CDIN1: variants seen among roughly 807,000 people sequenced by gnomAD.
CDIN1 encodes the protein CDAN1 interacting nuclease 1, also known as CDAN1-interacting nuclease 1.
Under a neutral mutation model 45.3 loss-of-function variants are expected in CDIN1, and 33 were observed. The ratio of observed to expected loss-of-function variants is 0.73; its 90% confidence interval spans 0.55 to 0.97. CDIN1 has a LOEUF of 0.97. Ranked by LOEUF, CDIN1 falls within the 50% of genes least tolerant of loss-of-function variation. The pLI, the probability that CDIN1 is intolerant of heterozygous loss-of-function variation, is 0.00. For missense variants in CDIN1, 303 were observed against 339.4 expected (o/e 0.89, Z 0.84); for synonymous variants, 118 against 124.4 (o/e 0.95, Z 0.34).
intron 5 of CDIN1, among the ~76,000 whole-genome samples, chr15:36,659,801 T>C (rs1285151985): frequency 6.6e-6 from 1 of 152,014 alleles, no homozygotes; most frequent in Non-Finnish European, 1.5e-5. Context: ...CAAAAATCTT[T>C]TATGATTATA....
At position 36,808,339 on chromosome 15, in the gene CDIN1, A is replaced by C. The variant is rs1231604106; in HGVS notation, c.732A>C (p.Leu244Phe). 4.3e-6 allele frequency: 7 copies of C among 1,613,494 alleles called. No homozygotes were observed. Among genetic ancestry groups the C allele is most frequent in the Non-Finnish European group, 5.1e-6 (6 of 1,179,562 alleles). ...WSYWNRFGPG[L>F]VIYWYGFIQE... ...GTTTTTACAGATTTGGGCCAGGCTT[A>C]GTCATCTATTGGTATGGATTTATCC... Residue 244 changes from leucine (L) to phenylalanine (F), a missense_variant, in exon 11 of 11, where the codon TTA becomes TTC. Transcript: ENST00000566621.
At chr15:36,687,074 G>C (rs535305378) in intron 5 of CDIN1, among the ~76,000 whole-genome samples, 1 of 151,998 alleles carries the variant, frequency 6.6e-6, no homozygotes, top group Non-Finnish European at 1.5e-5. Flanking sequence ...AGTGTAGAAT[G>C]TATTATATCC....
At chr15:36,652,180 G>A (rs1286819378) in intron 3 of CDIN1, among the ~76,000 whole-genome samples, 1 of 152,096 alleles carries the variant, frequency 6.6e-6, no homozygotes, top group Non-Finnish European at 1.5e-5. Flanking sequence ...CCATTATACT[G>A]TATATTTATC....
intron 10 of CDIN1, among the ~76,000 whole-genome samples, chr15:36,775,455 A>C (rs148039327): frequency 6.6e-6 from 1 of 152,230 alleles, no homozygotes; most frequent in Non-Finnish European, 1.5e-5. Context: ...CCTAGAGTCT[A>C]CATCTTGGTT....
At chr15:36,778,383 T>A (rs60321680) in intron 10 of CDIN1, among the ~76,000 whole-genome samples, 8,390 of 152,248 alleles carry the variant, frequency 0.055, 800 homozygotes, top group African/African-American at 0.19. Context: ...TATGGGTACT[T>A]ATCATTTTAC....
At chr15:36,803,256 G>A (rs1452885733) in intron 10 of CDIN1, among the ~76,000 whole-genome samples, 3 of 150,616 alleles carry the variant, frequency 2.0e-5, no homozygotes, top group African/African-American at 7.3e-5. Flanking sequence ...TAGATATGCA[G>A]CAAGGAGGAG....
intron 1 of CDIN1, 118 bp downstream of exon 1, chr15:36,580,079 G>C (rs1595696748): frequency 1.2e-6 from 1 of 830,022 alleles, no homozygotes; most frequent in East Asian, 2.7e-5. Context: ...ACCAGTGTCA[G>C]GCGTTAGGAG....
At chr15:36,692,843 A>C (rs868834126) in intron 7 of CDIN1, among the ~76,000 whole-genome samples, 2 of 152,240 alleles carry the variant, frequency 1.3e-5, no homozygotes, top group African/African-American at 4.8e-5. Flanking sequence ...GACAGTAACT[A>C]CATAAAGTAG....
chr15:36,704,663 C>A (rs1397405826), intron 8 of CDIN1: 1 of 151,254 alleles, frequency 6.6e-6, no homozygotes, highest in African/African-American at 2.4e-5. Context: ...TTTGCCCTCC[C>A]CCAATTTAGT....
At chr15:36,616,024 T>C (rs899398714) in intron 1 of CDIN1, among the ~76,000 whole-genome samples, 4 of 152,262 alleles carry the variant, frequency 2.6e-5, no homozygotes, top group East Asian at 1.9e-4. Flanking sequence ...AGAGCATCGA[T>C]GGGGGAAAAT....
chr15:36,803,845 C>G (rs774707149), intron 10 of CDIN1, among the ~76,000 whole-genome samples: 2 of 152,210 alleles, frequency 1.3e-5, no homozygotes, highest in Admixed American at 6.5e-5. Context: ...GGTTGACTTT[C>G]AAACTGGAGA....
chr15:36,794,129 GC>G (rs1340575993), intron 10 of CDIN1, among the ~76,000 whole-genome samples: 1 of 143,952 alleles, frequency 6.9e-6, no homozygotes, highest in Admixed American at 7.5e-5. Context: ...TGCGATCTCG[GC>G]TCACTGCAAG....
At chr15:36,751,229 T>TTTTTTATATATA (rs568110101) in intron 10 of CDIN1, among the ~76,000 whole-genome samples, 2 of 97,612 alleles carry the variant, frequency 2.0e-5, no homozygotes, top group African/African-American at 8.7e-5. Context: ...TATGCTTATT[T>TTTTTTATATATA]TATATATATA....
intron 10 of CDIN1, among the ~76,000 whole-genome samples, chr15:36,774,618 A>G (rs1240681867): frequency 6.6e-6 from 1 of 152,130 alleles, no homozygotes; most frequent in Non-Finnish European, 1.5e-5. Flanking sequence ...TTTTCTTCTG[A>G]ATCTGATTCT....
intron 1 of CDIN1, among the ~76,000 whole-genome samples, chr15:36,628,932 A>G (rs2140341778): frequency 6.6e-6 from 1 of 152,312 alleles, no homozygotes; most frequent in South Asian, 2.1e-4. Context: ...TTTTTACCAC[A>G]CATACTAAAA....
At chr15:36,612,867 T>C (rs773070179) in intron 1 of CDIN1, among the ~76,000 whole-genome samples, 8 of 152,208 alleles carry the variant, frequency 5.3e-5, no homozygotes, top group Non-Finnish European at 1.0e-4. Context: ...AAACATCTTT[T>C]CCCTAAGAAA....
intron 8 of CDIN1, chr15:36,702,214 T>A: frequency 1.5e-6 from 1 of 687,794 alleles, no homozygotes; most frequent in Non-Finnish European, 2.7e-6. Context: ...AATATGATGC[T>A]GTTTTTAGAG....
rs2053802928 is a variant in CDIN1 at position 36,762,664 on chromosome 15, C to A, written c.717-45660C>A. On this transcript the variant is annotated intron_variant, in intron 10 of 10. Coordinates refer to ENST00000566621, the MANE Select transcript of CDIN1 (RefSeq NM_001321759.2). The stretch of plus-strand genomic sequence containing the variant: ...CCCACTCCCACCACCCCACGACAGG[C>A]CCCGGTGTGTGATGTTGCACTTTCT... 2.0e-5 allele frequency among the ~76,000 whole-genome samples: 3 copies of A among 151,880 alleles called. No individual in the cohort carries two copies. In the South Asian group the frequency reaches 6.3e-4, roughly 32 times the overall value.
chr15:36,618,757 C>G, intron 1 of CDIN1: 1 of 698,308 alleles, frequency 1.4e-6, no homozygotes, highest in Non-Finnish European at 2.6e-6. Context: ...AAGCACAACT[C>G]AGCCAAAAAA....
Sources: gnomAD v4.1 joint callset for allele counts (sites outside exome capture counted in the v4.1 genomes callset) on GRCh38, gnomAD v4.1.1 for gene constraint, MANE v1.5 for transcripts, NCBI Gene and HGNC (gene_info 2026-07-23, HGNC 2026-07-21) for gene names.